The following FNDC1 variants were observed in gnomAD, a reference collection of about 807,000 sequenced individuals.
FNDC1 encodes fibronectin type III domain containing 1, also known as fibronectin type III domain-containing protein 1.
FNDC1 carries 96 observed loss-of-function variants against 168.0 expected under a neutral mutation model. That is an observed-to-expected ratio of 0.57 (90% CI 0.48 to 0.68). The LOEUF (loss-of-function observed/expected upper bound fraction) is 0.68, where lower values mean the gene tolerates loss of function less well. Among genes scored for constraint, FNDC1 ranks in the 30% least tolerant of loss-of-function variants. FNDC1 has a pLI of 0.00. For synonymous variants in FNDC1, 1,099 were observed against 1,025.9 expected (o/e 1.07, Z -1.36); for missense variants, 2,587 against 2,482.1 (o/e 1.04, Z -0.90).
rs1562315734 is a variant in FNDC1 at position 159,269,249 on chromosome 6, CCA to C, written c.5569+1324_5569+1325del. 3.0e-3 allele frequency among the ~76,000 whole-genome samples: 312 copies of C among 103,854 alleles called. 6 individuals carry two copies. Among genetic ancestry groups the C allele is most frequent in the African/African-American group, 0.013 (244 of 19,470 alleles). 68.1% of individuals were successfully genotyped at this position (103,854 alleles called of 152,430 possible). A position where few individuals can be genotyped will look rare whatever the true frequency, so the allele number is the denominator to read the frequency against. Reference sequence around the variant, plus strand: ...TCTATCTATCTATCTATCTATCTATCCATCTATCATCTATCTATCTATCTATC... The same window carrying C: ...TCTATCTATCTATCTATCTATCTATCTCTATCATCTATCTATCTATCTATC... On this transcript the variant is annotated intron_variant, in intron 22 of 22. Coordinates refer to ENST00000297267, the MANE Select transcript of FNDC1 (RefSeq NM_032532.3).
intron 4 of FNDC1, among the ~76,000 whole-genome samples, chr6:159,209,155 A>G (rs1482860280): frequency 6.6e-6 from 1 of 152,196 alleles, no homozygotes; most frequent in East Asian, 1.9e-4. Context: ...GCTACTTTTA[A>G]TTTTTAAACA....
intron 22 of FNDC1, among the ~76,000 whole-genome samples, chr6:159,269,835 G>A (rs954798379): frequency 1.3e-5 from 2 of 152,100 alleles, no homozygotes; most frequent in African/African-American, 4.8e-5. Flanking sequence ...GCCTTTGAAT[G>A]ATTGGACAAG....
At position 159,256,570 on chromosome 6, in the gene FNDC1, T is replaced by G; in HGVS notation, c.5113T>G (p.Trp1705Gly). 1 of 1,613,974 alleles carries G rather than the reference T, an allele frequency of 6.2e-7. No homozygotes were observed. Among genetic ancestry groups the G allele is most frequent in the East Asian group, 2.2e-5 (1 of 44,884 alleles). Residue 1705 changes from tryptophan to glycine, a missense_variant, in exon 18 of 23, where the codon TGG (tryptophan) becomes GGG (glycine). Coordinates refer to ENST00000297267, the MANE Select transcript of FNDC1 (RefSeq NM_032532.3). Reference sequence around the variant, plus strand: ...CTATGAAGACTTCATCAGGAACAAGTGGTCCACTCAAGCTTCATCAGTAAC... The same window carrying G: ...CTATGAAGACTTCATCAGGAACAAGGGGTCCACTCAAGCTTCATCAGTAAC... ...ASYEDFIRNK[W>G]STQASSVTHL...
chr6:159,261,332 C>A, intron 19 of FNDC1, 63 bp downstream of exon 19: 1 of 1,119,350 alleles, frequency 8.9e-7, no homozygotes, highest in Non-Finnish European at 1.4e-6. Flanking sequence ...AATAATCTAG[C>A]ATGATGGCTA....
intron 1 of FNDC1, among the ~76,000 whole-genome samples, chr6:159,181,088 A>T (rs1054282637): frequency 6.6e-6 from 1 of 152,196 alleles, no homozygotes; most frequent in Non-Finnish European, 1.5e-5. Context: ...ACTAATTTAC[A>T]TTCCCATCAA....
intron 1 of FNDC1, among the ~76,000 whole-genome samples, chr6:159,187,381 T>C (rs961841445): frequency 2.6e-5 from 4 of 152,178 alleles, no homozygotes; most frequent in Non-Finnish European, 5.9e-5. Flanking sequence ...AGAGTTTTGT[T>C]TGCAAAGCTC....
intron 12 of FNDC1, 92 bp downstream of exon 12, chr6:159,236,407 T>G: frequency 1.2e-6 from 1 of 834,590 alleles, no homozygotes; most frequent in Non-Finnish European, 2.0e-6. Context: ...TGAAGTGGTC[T>G]TTGTTTGTTC....
chr6:159,238,778 T>G (rs1287245383), intron 13 of FNDC1, 113 bp downstream of exon 13: 2 of 713,290 alleles, frequency 2.8e-6, no homozygotes, highest in Non-Finnish European at 4.5e-6. Flanking sequence ...GTTAGTTACT[T>G]TTACCCATGT....
intron 1 of FNDC1, among the ~76,000 whole-genome samples, chr6:159,185,728 T>G (rs1781981470): frequency 6.6e-6 from 1 of 152,168 alleles, no homozygotes; most frequent in Non-Finnish European, 1.5e-5. Flanking sequence ...TTAAAATGCT[T>G]TCTGAGAAAT....
chr6:159,215,027 C>T lies in FNDC1; in HGVS notation c.543C>T (p.Arg181=). ...TGTCCGTTGCGTGGAAGGCACCACG[C>T]CTGTCTGGAGCCAAGAGTCCACGCA... ...DRLSVAWKAP[R]LSGAKSPRRS... is the part of the protein sequence containing the mutation. The change falls in exon 5 of 23, where the codon CGC becomes CGT. Residue 181 remains arginine (R), a synonymous_variant. Transcript: ENST00000297267. 1 of 1,614,024 alleles carries T rather than the reference C, an allele frequency of 6.2e-7. No individual in the cohort carries two copies. The highest frequency in any genetic ancestry group is 8.5e-7 in the Non-Finnish European group (1 of 1,179,882).
intron 18 of FNDC1, 38 bp downstream of exon 18, chr6:159,256,669 T>C (rs1208671504): frequency 7.0e-7 from 1 of 1,433,508 alleles, no homozygotes; most frequent in Non-Finnish European, 9.8e-7. Flanking sequence ...ATGAGATCCA[T>C]GTGCATGGTT....
intron 14 of FNDC1, among the ~76,000 whole-genome samples, chr6:159,242,258 C>T (rs908844477): frequency 6.6e-6 from 1 of 152,202 alleles, no homozygotes; most frequent in African/African-American, 2.4e-5. Flanking sequence ...CGCATGTTGT[C>T]ACTTGTAAGT....
At chr6:159,216,629 T>C (rs1782715286) in intron 5 of FNDC1, among the ~76,000 whole-genome samples, 2 of 152,178 alleles carry the variant, frequency 1.3e-5, no homozygotes, top group Non-Finnish European at 2.9e-5. Flanking sequence ...GGGGCAAGCA[T>C]AACTGGGCCC....
intron 19 of FNDC1, among the ~76,000 whole-genome samples, chr6:159,262,804 CCCT>C (rs1777512706): frequency 6.6e-6 from 1 of 152,214 alleles, no homozygotes; most frequent in African/African-American, 2.4e-5. Flanking sequence ...CCCCACCCTA[CCCT>C]CTGAATAAGA....
chr6:159,252,336 A>G (rs952841990), intron 17 of FNDC1, among the ~76,000 whole-genome samples: 2 of 152,194 alleles, frequency 1.3e-5, no homozygotes, highest in African/African-American at 4.8e-5. Context: ...ATTCTCTGCC[A>G]TTATTGTGCT....
Position 159,232,299 on chromosome 6 carries a change from G to C in FNDC1, c.1787G>C (p.Gly596Ala). Reference protein sequence around the residue: ...ARMPALPRREGVDKPGFSLAT... With the variant: ...ARMPALPRREAVDKPGFSLAT... ...ATGCCAGCGCTGCCCCGAAGGGAAGGCGTAGATAAGCCTGGCTTTTCCCTG... is the reference window on the plus strand; with the variant it reads ...ATGCCAGCGCTGCCCCGAAGGGAAGCCGTAGATAAGCCTGGCTTTTCCCTG... The change falls in exon 11 of 23, where the codon GGC becomes GCC. Residue 596 changes from glycine to alanine, a missense_variant. Coordinates refer to ENST00000297267, the MANE Select transcript of FNDC1 (RefSeq NM_032532.3). The surrounding 1 kb of genome is among the most constrained non-coding windows in gnomAD (Gnocchi z 4.9). The C allele has an allele frequency of 6.2e-7, 1 of 1,612,340 alleles. No homozygotes were observed. The highest frequency in any genetic ancestry group is 8.5e-7 in the Non-Finnish European group (1 of 1,179,270).
At chr6:159,219,046 C>CTTT (rs11435161) in intron 5 of FNDC1, among the ~76,000 whole-genome samples, 20 of 146,768 alleles carry the variant, frequency 1.4e-4, no homozygotes, top group East Asian at 2.0e-4. Flanking sequence ...AGTTTCCCCT[C>CTTT]TTTTTTTTTT....
Position 159,239,542 on chromosome 6 carries a change from T to A in FNDC1, c.4206T>A (p.Ser1402Arg). 6.2e-7 allele frequency: 1 copy of A among 1,605,512 alleles called. No homozygotes were observed. The highest frequency in any genetic ancestry group is 1.1e-5 in the South Asian group (1 of 88,954). Residue 1402 changes from serine to arginine, a missense_variant, in exon 14 of 23, where the codon AGT becomes AGA. Physicochemically the swap from Ser to Arg is moderately radical, Grantham distance 110 (BLOSUM62 -1). Coordinates refer to ENST00000297267, the MANE Select transcript of FNDC1 (RefSeq NM_032532.3). ...ATCTGGAAGGGACCCCCGTGGTGAGTCCTGACGGCCTCCCACTCTTTGGGC... is the reference window on the plus strand; with the variant it reads ...ATCTGGAAGGGACCCCCGTGGTGAGACCTGACGGCCTCCCACTCTTTGGGC... ...IVDLEGTPVV[S>R]PDGLPLFGQG...
chr6:159,191,075 G>C (rs1183631938), intron 1 of FNDC1, among the ~76,000 whole-genome samples: 2 of 152,232 alleles, frequency 1.3e-5, no homozygotes, highest in Non-Finnish European at 2.9e-5. Flanking sequence ...CGATGGTGGA[G>C]CAAGAGAGCG....
Sources: gnomAD v4.1 joint callset for allele counts (sites outside exome capture counted in the v4.1 genomes callset) on GRCh38, gnomAD v4.1.1 for gene constraint, Gnocchi (gnomAD v3.1) non-coding constraint, MANE v1.5 for transcripts, NCBI Gene and HGNC (gene_info 2026-07-23, HGNC 2026-07-21) for gene names.